CRYL1: variants seen among roughly 807,000 people sequenced by gnomAD.
CRYL1 encodes lambda-crystallin homolog.
In CRYL1, 29 loss-of-function variants were observed where a neutral mutation model predicts 36.6. The observed-to-expected ratio is 0.79, with a 90% CI of 0.59 to 1.08. The LOEUF (loss-of-function observed/expected upper bound fraction) is 1.08. Ranked by LOEUF, CRYL1 falls within the 50% of genes least tolerant of loss-of-function variation. The probability of loss-of-function intolerance (pLI) is 0.00; values close to 1 mark genes in which losing one functional copy is unlikely to be tolerated. For synonymous variants in CRYL1, 152 were observed against 151.5 expected, an observed-to-expected ratio of 1.00 and a Z score of -0.02; for missense variants, 411 against 407.9, an observed-to-expected ratio of 1.01 and a Z score of -0.06.
chr13:20,418,044 A>G (rs1286087072), intron 5 of CRYL1, among the ~76,000 whole-genome samples: 1 of 152,234 alleles, frequency 6.6e-6, no homozygotes, highest in Non-Finnish European at 1.5e-5. Context: ...AACTCCAGGC[A>G]GGAACTACCC....
At chr13:20,498,434 T>C (rs1181041752) in intron 2 of CRYL1, among the ~76,000 whole-genome samples, 1 of 152,056 alleles carries the variant, frequency 6.6e-6, no homozygotes, top group Non-Finnish European at 1.5e-5. Context: ...ATATACACAC[T>C]ACACACACAC....
chr13:20,483,601 G>A (rs566945622), intron 3 of CRYL1, among the ~76,000 whole-genome samples: 11 of 152,152 alleles, frequency 7.2e-5, no homozygotes, highest in African/African-American at 1.4e-4. Flanking sequence ...GTACAGTGGC[G>A]GGATCTCAGC....
chr13:20,445,606 C>T (rs2032435902), intron 3 of CRYL1, among the ~76,000 whole-genome samples: 1 of 152,008 alleles, frequency 6.6e-6, no homozygotes, highest in Non-Finnish European at 1.5e-5. Flanking sequence ...AACAAATAGA[C>T]AATATTAGGG....
At chr13:20,474,308 A>C (rs893968002) in intron 3 of CRYL1, among the ~76,000 whole-genome samples, 1 of 152,224 alleles carries the variant, frequency 6.6e-6, no homozygotes, top group African/African-American at 2.4e-5. Context: ...CGCCGGCAGC[A>C]GGCAGCTCTC....
intron 3 of CRYL1, among the ~76,000 whole-genome samples, chr13:20,456,249 G>GT (rs1442328866): frequency 1.3e-5 from 2 of 152,016 alleles, no homozygotes; most frequent in African/African-American, 4.8e-5. Flanking sequence ...CGAGGCGGGC[G>GT]TATCACCTGA....
rs2034180411 is a variant in CRYL1 at position 20,525,744 on chromosome 13, AGCCCTTTACCT to A, written c.40_41+9del. 1.1e-5 allele frequency: 15 copies of A among 1,344,486 alleles called. No individual in the cohort carries two copies. The highest frequency in any genetic ancestry group is 1.4e-5 in the Non-Finnish European group (15 of 1,044,234). 83.3% of individuals were successfully genotyped at this position (1,344,486 alleles called of 1,614,324 possible). The stretch of plus-strand genomic sequence containing the variant: ...CTCCAGGGGCAGCAGCGCGGCTCGG[AGCCCTTTACCT>A]GCCAACGATCACCACGCAGCCGGCC... On this transcript the variant is annotated splice_donor_variant and splice_donor_5th_base_variant and coding_sequence_variant and intron_variant, in exon 1 of 8. Transcript: ENST00000298248. LOFTEE classifies it high-confidence loss of function. This position sits in a 1 kb window ranked among gnomAD's most constrained non-coding sequence, Gnocchi z 4.3.
chr13:20,411,291 C>T (rs573258424), intron 6 of CRYL1, among the ~76,000 whole-genome samples: 13 of 152,214 alleles, frequency 8.5e-5, no homozygotes, highest in African/African-American at 2.9e-4. Flanking sequence ...CATATGAAGC[C>T]AATTAGGTTT....
At chr13:20,522,232 CCCAA>C (rs2034109109) in intron 1 of CRYL1, among the ~76,000 whole-genome samples, 10 of 152,050 alleles carry the variant, frequency 6.6e-5, no homozygotes, top group Admixed American at 6.5e-4. Context: ...TGCCTGTAGT[CCCAA>C]CTACTTGGGA....
chr13:20,427,206 G>A (rs1353485701), intron 5 of CRYL1: 12 of 985,496 alleles, frequency 1.2e-5, no homozygotes, highest in African/African-American at 1.0e-4. Flanking sequence ...CAGGGAGCAC[G>A]CCTCCGGCAG....
At chr13:20,520,663 AC>A in intron 1 of CRYL1, among the ~76,000 whole-genome samples, 1 of 151,652 alleles carries the variant, frequency 6.6e-6, no homozygotes, top group Non-Finnish European at 1.5e-5. Flanking sequence ...CTTTTCCCCC[AC>A]CCCTTCACGC....
At chr13:20,498,807 G>A (rs2033655678) in intron 2 of CRYL1, among the ~76,000 whole-genome samples, 1 of 152,206 alleles carries the variant, frequency 6.6e-6, no homozygotes, top group Non-Finnish European at 1.5e-5. Context: ...AGGAAACTCA[G>A]TCTCCTATCA....
intron 2 of CRYL1, among the ~76,000 whole-genome samples, chr13:20,494,156 G>A (rs2033564671): frequency 1.3e-5 from 2 of 152,174 alleles, no homozygotes; most frequent in African/African-American, 4.8e-5. Context: ...CAACCACACT[G>A]CCCATAAACA....
intron 3 of CRYL1, among the ~76,000 whole-genome samples, chr13:20,458,502 C>T (rs775831932): frequency 6.6e-6 from 1 of 152,006 alleles, no homozygotes; most frequent in Non-Finnish European, 1.5e-5. Flanking sequence ...TTTCTAGTGG[C>T]CGCATTAAAA....
intron 2 of CRYL1, among the ~76,000 whole-genome samples, chr13:20,493,707 G>A (rs1337431183): frequency 1.3e-5 from 2 of 152,130 alleles, no homozygotes; most frequent in Non-Finnish European, 2.9e-5. Flanking sequence ...AAGAAATGCA[G>A]ACTTCCACAG....
intron 5 of CRYL1, 143 bp downstream of exon 5, chr13:20,431,959 G>C (rs968407937): frequency 6.5e-7 from 1 of 1,543,662 alleles, no homozygotes; most frequent in South Asian, 1.2e-5. Flanking sequence ...CCAGAATAGA[G>C]CAAGAAGAAG....
chr13:20,460,582 G>C (rs1175585564), intron 3 of CRYL1, among the ~76,000 whole-genome samples: 1 of 127,510 alleles, frequency 7.8e-6, no homozygotes, highest in Non-Finnish European at 1.6e-5. Context: ...CTGGAGTGCA[G>C]TGGCGCTATC....
chr13:20,461,433 C>T (rs1484930367), intron 3 of CRYL1, among the ~76,000 whole-genome samples: 6 of 152,102 alleles, frequency 3.9e-5, no homozygotes, highest in Non-Finnish European at 7.3e-5. Context: ...TTATTTAATC[C>T]ATCTGTGTTT....
intron 2 of CRYL1, among the ~76,000 whole-genome samples, chr13:20,508,678 C>G (rs1008526625): frequency 2.6e-5 from 4 of 151,192 alleles, no homozygotes; most frequent in Non-Finnish European, 5.9e-5. Flanking sequence ...AACCCCGTCT[C>G]TGCTAAAAAT....
intron 3 of CRYL1, among the ~76,000 whole-genome samples, chr13:20,479,937 A>C (rs1486604573): frequency 6.6e-6 from 1 of 152,190 alleles, no homozygotes; most frequent in African/African-American, 2.4e-5. Context: ...TCATGGACCA[A>C]GCTGTTACCA....
Sources: gnomAD v4.1 joint callset for allele counts (sites outside exome capture counted in the v4.1 genomes callset) on GRCh38, gnomAD v4.1.1 for gene constraint, Gnocchi (gnomAD v3.1) non-coding constraint, MANE v1.5 for transcripts, NCBI Gene and HGNC (gene_info 2026-07-23, HGNC 2026-07-21) for gene names.